SEMA6D: variants seen among roughly 807,000 people sequenced by gnomAD.
SEMA6D encodes semaphorin 6D.
A neutral mutation model predicts 106.6 loss-of-function variants in SEMA6D; 35 were observed. The observed-to-expected ratio is 0.33, with a 90% CI of 0.25 to 0.44. The LOEUF (loss-of-function observed/expected upper bound fraction) is 0.44. Among genes scored for constraint, SEMA6D ranks in the 20% least tolerant of loss-of-function variants. SEMA6D has a pLI of 1.00. For missense variants in SEMA6D, 1,185 were observed against 1,345.9 expected, an observed-to-expected ratio of 0.88 and a Z score of 1.87; for synonymous variants, 499 against 487.7, an observed-to-expected ratio of 1.02 and a Z score of -0.31.
At chr15:47,541,165 A>G (rs902981118) in intron 3 of SEMA6D, among the ~76,000 whole-genome samples, 16 of 152,166 alleles carry the variant, frequency 1.1e-4, no homozygotes, top group African/African-American at 3.9e-4. Flanking sequence ...CATGTGCAAC[A>G]TAGTAAAGAA....
chr15:47,462,295 A>G (rs1056443586), intron 2 of SEMA6D, among the ~76,000 whole-genome samples: 12 of 152,124 alleles, frequency 7.9e-5, no homozygotes, highest in South Asian at 2.1e-4. Flanking sequence ...TTTTTAATGC[A>G]GGGATGATGC....
In SEMA6D at chr15:47,499,863, G is replaced by A. The variant is rs370822493; in HGVS notation, c.-87+29318G>A. Among the ~76,000 whole-genome samples, 35 of 152,142 alleles carry A rather than the reference G, an allele frequency of 2.3e-4. No individual in the cohort carries two copies. The East Asian group carries it at 3.1e-3, about 13-fold the overall frequency. Reference sequence around the variant, plus strand: ...GTGGTGTGACTGATTGTCTCAGTGGGTCAAGCTTTTTTTTTGTTTTAAACT... The same window carrying A: ...GTGGTGTGACTGATTGTCTCAGTGGATCAAGCTTTTTTTTTGTTTTAAACT... On this transcript the variant is annotated intron_variant, in intron 3 of 19. Transcript: ENST00000558014.
chr15:47,291,550 G>A (rs2035592941), intron 1 of SEMA6D, among the ~76,000 whole-genome samples: 1 of 152,058 alleles, frequency 6.6e-6, no homozygotes, highest in South Asian at 2.1e-4. Flanking sequence ...GCCTTGATTT[G>A]AAGCATTTGT....
intron 4 of SEMA6D, among the ~76,000 whole-genome samples, chr15:47,609,005 A>G (rs1210737703): frequency 2.0e-5 from 3 of 152,224 alleles, no homozygotes; most frequent in African/African-American, 7.2e-5. Context: ...AGAAAACATT[A>G]TAGGTGAGAA....
At chr15:47,401,472 T>C (rs2040398151) in intron 1 of SEMA6D, among the ~76,000 whole-genome samples, 1 of 152,226 alleles carries the variant, frequency 6.6e-6, no homozygotes, top group Admixed American at 6.5e-5. Context: ...AGTGGATAAT[T>C]TGAAGCATAA....
rs1417814315 is a variant in SEMA6D, at chr15:47,773,807, CCAA to C, written c.*2029_*2031del. Reference sequence around the variant, plus strand: ...CCAATGATAAACACTACTCAGTCCACCAACAACAAACGTGTTTGAATTCACCTT... The same window carrying C: ...CCAATGATAAACACTACTCAGTCCACCAACAAACGTGTTTGAATTCACCTT... On this transcript the variant is annotated 3_prime_UTR_variant, in exon 19 of 19. Transcript: ENST00000536845. 1 of 152,602 alleles carries C rather than the reference CCAA, an allele frequency of 6.6e-6. No individual in the cohort carries two copies. Among genetic ancestry groups the C allele is most frequent in the Non-Finnish European group, 1.5e-5 (1 of 68,032 alleles). 9.5% of individuals were successfully genotyped at this position (152,602 alleles called of 1,614,324 possible).
chr15:47,282,203 T>C (rs2035157402), intron 1 of SEMA6D, among the ~76,000 whole-genome samples: 1 of 152,176 alleles, frequency 6.6e-6, no homozygotes, highest in Non-Finnish European at 1.5e-5. Context: ...CATTATCAAC[T>C]CCACTTTGTC....
chr15:47,515,953 A>G (rs1447091790), intron 3 of SEMA6D, among the ~76,000 whole-genome samples: 2 of 152,214 alleles, frequency 1.3e-5, no homozygotes, highest in African/African-American at 4.8e-5. Context: ...AGCCAAAGCT[A>G]TAATTTGGGT....
chr15:47,210,370 C>T (rs1190999444), intron 1 of SEMA6D, among the ~76,000 whole-genome samples: 3 of 152,044 alleles, frequency 2.0e-5, no homozygotes, highest in Non-Finnish European at 4.4e-5. Flanking sequence ...TTAGAAGATA[C>T]AAGCTGTGAT....
intron 1 of SEMA6D, among the ~76,000 whole-genome samples, chr15:47,296,834 T>G (rs17358151): frequency 0.024 from 3,585 of 152,304 alleles, 62 homozygotes; most frequent in Middle Eastern, 0.054. Flanking sequence ...CTGCATCTCT[T>G]TAAAGCTCAC....
At chr15:47,744,334 A>G (rs1490680411) in intron 1 of SEMA6D, among the ~76,000 whole-genome samples, 2 of 152,148 alleles carry the variant, frequency 1.3e-5, no homozygotes, top group East Asian at 3.9e-4. Flanking sequence ...CCACCCACAC[A>G]CAGAAGTTTA....
At chr15:47,652,612 A>T (rs1369638) in intron 4 of SEMA6D, among the ~76,000 whole-genome samples, 16,424 of 152,230 alleles carry the variant, frequency 0.11, 1,051 homozygotes, top group East Asian at 0.23. Context: ...TGGGGGCATT[A>T]TTTAGTCCAC....
At chr15:47,543,433 A>G (rs947717965) in intron 3 of SEMA6D, among the ~76,000 whole-genome samples, 6 of 152,146 alleles carry the variant, frequency 3.9e-5, no homozygotes, top group African/African-American at 1.2e-4. Context: ...CTTGCCTGCC[A>G]CCATGTAAGA....
intron 1 of SEMA6D, among the ~76,000 whole-genome samples, chr15:47,331,188 A>G (rs1254367551): frequency 2.0e-5 from 3 of 152,218 alleles, no homozygotes; most frequent in African/African-American, 4.8e-5. Flanking sequence ...TGTTACCTCA[A>G]TAGTCCAAAC....
At chr15:47,344,182 C>T (rs1375105951) in intron 1 of SEMA6D, among the ~76,000 whole-genome samples, 3 of 107,892 alleles carry the variant, frequency 2.8e-5, no homozygotes, top group African/African-American at 6.8e-5. Flanking sequence ...GGCGATTCCT[C>T]ACTTGGATTT....
intron 3 of SEMA6D, among the ~76,000 whole-genome samples, chr15:47,562,775 C>G (rs191553706): frequency 6.6e-6 from 1 of 152,080 alleles, no homozygotes; most frequent in African/African-American, 2.4e-5. Context: ...TTTTTAGTTT[C>G]TTAAAAACTT....
At chr15:47,293,592 A>G (rs1175506186) in intron 1 of SEMA6D, among the ~76,000 whole-genome samples, 1 of 152,202 alleles carries the variant, frequency 6.6e-6, no homozygotes, top group Non-Finnish European at 1.5e-5. Context: ...GGCCTTTGCC[A>G]TGATACTTTT....
At chr15:47,507,937 T>C (rs73388982) in intron 3 of SEMA6D, among the ~76,000 whole-genome samples, 2,382 of 152,342 alleles carry the variant, frequency 0.016, 41 homozygotes, top group African/African-American at 0.037. Flanking sequence ...TGCTTTCTCT[T>C]TGAGCCCTGT....
upstream of SEMA6D, among the ~76,000 whole-genome samples, chr15:47,712,624 A>C (rs565124515): frequency 6.6e-6 from 1 of 152,362 alleles, no homozygotes; most frequent in East Asian, 1.9e-4. Flanking sequence ...GTTTGTTTTT[A>C]AAAACCAAGT....
Sources: allele counts gnomAD v4.1 joint callset (sites outside exome capture counted in the v4.1 genomes callset), GRCh38; gene constraint gnomAD v4.1.1; transcripts MANE v1.5; gene names NCBI Gene and HGNC (gene_info 2026-07-23, HGNC 2026-07-21).